CLEC4C: variants seen among roughly 807,000 people sequenced by gnomAD.
The protein encoded by CLEC4C is C-type (calcium dependent, carbohydrate-recognition domain) lectin, superfamily member 11.
A neutral mutation model predicts 27.7 loss-of-function variants in CLEC4C; 17 were observed. The observed-to-expected ratio is 0.61, with a 90% CI of 0.42 to 0.92. CLEC4C has a LOEUF of 0.92. Ranked by LOEUF, CLEC4C falls within the 40% of genes least tolerant of loss-of-function variation. CLEC4C has a pLI of 0.00. For missense variants in CLEC4C, 244 were observed against 257.3 expected (o/e 0.95, Z 0.35); for synonymous variants, 80 against 80.8 (o/e 0.99, Z 0.06).
chr12:7,741,295 T>C (rs1298081255), intron 3 of CLEC4C, 126 bp downstream of exon 3: 20 of 631,266 alleles, frequency 3.2e-5, no homozygotes, highest in African/African-American at 2.7e-4. Context: ...ACCAAGTAGA[T>C]AGTTAAAGAA....
At chr12:7,732,701 G>A (rs924231333) in intron 4 of CLEC4C, among the ~76,000 whole-genome samples, 3 of 151,408 alleles carry the variant, frequency 2.0e-5, no homozygotes, top group Non-Finnish European at 2.9e-5. Context: ...GGTGGTTCAC[G>A]CCTATAATCC....
At chr12:7,736,371 AAG>A (rs1864726135) in intron 4 of CLEC4C, among the ~76,000 whole-genome samples, 1 of 152,200 alleles carries the variant, frequency 6.6e-6, no homozygotes, top group Non-Finnish European at 1.5e-5. Flanking sequence ...ATCAAGTACA[AAG>A]AGAAAAATAG....
intron 2 of CLEC4C, among the ~76,000 whole-genome samples, chr12:7,744,253 G>A (rs1864923964): frequency 1.3e-5 from 2 of 152,144 alleles, no homozygotes; most frequent in South Asian, 4.1e-4. Context: ...AAGCCCTTTT[G>A]TCTCTTGCCC....
intron 2 of CLEC4C, among the ~76,000 whole-genome samples, chr12:7,744,640 A>G (rs150381957): frequency 2.4e-3 from 371 of 152,288 alleles, no homozygotes; most frequent in Non-Finnish European, 4.4e-3. Context: ...TTTTTGAGAC[A>G]GGGTCTCTCT....
chr12:7,730,639 TAAAAA>T (rs80129912), intron 5 of CLEC4C, 153 bp downstream of exon 5: 138 of 285,848 alleles, frequency 4.8e-4, no homozygotes, highest in East Asian at 9.8e-4. Context: ...GACTCTTGTC[TAAAAA>T]AAAAAAAAAA....
intron 2 of CLEC4C, among the ~76,000 whole-genome samples, chr12:7,743,523 T>C (rs1864906830): frequency 6.6e-6 from 1 of 151,912 alleles, no homozygotes; most frequent in South Asian, 2.1e-4. Context: ...TAGCTGGCAC[T>C]ACAGGCGCCC....
intron 4 of CLEC4C, among the ~76,000 whole-genome samples, chr12:7,735,158 A>T (rs1406520456): frequency 6.6e-6 from 1 of 151,698 alleles, no homozygotes; most frequent in Non-Finnish European, 1.5e-5. Flanking sequence ...CCGAGATCAC[A>T]CCACTGCACT....
chr12:7,737,867 G>A (rs1186216893), intron 3 of CLEC4C, among the ~76,000 whole-genome samples: 1 of 151,984 alleles, frequency 6.6e-6, no homozygotes, highest in African/African-American at 2.4e-5. Flanking sequence ...AGCAACCACT[G>A]GCAATATGTT....
intron 1 of CLEC4C, among the ~76,000 whole-genome samples, chr12:7,746,950 A>C (rs752525776): frequency 6.6e-6 from 1 of 151,698 alleles, no homozygotes; most frequent in Non-Finnish European, 1.5e-5. Context: ...TCAGCCTCCC[A>C]AGTAGCTGGG....
chr12:7,737,620 C>G, intron 3 of CLEC4C, 46 bp from the exon 4 acceptor site: 1 of 1,561,034 alleles, frequency 6.4e-7, no homozygotes, highest in Non-Finnish European at 8.7e-7. Flanking sequence ...ACAGAGAATT[C>G]TCCTCACATA....
At chr12:7,735,988 T>C (rs1864716714) in intron 4 of CLEC4C, among the ~76,000 whole-genome samples, 1 of 150,494 alleles carries the variant, frequency 6.6e-6, no homozygotes, top group African/African-American at 2.4e-5. Flanking sequence ...TGAAGAAGAT[T>C]AGTCAAGTGG....
At chr12:7,747,782 C>T (rs780933200), upstream of CLEC4C, among the ~76,000 whole-genome samples, 17 of 151,622 alleles carry the variant, frequency 1.1e-4, no homozygotes, top group African/African-American at 3.9e-4. Context: ...GCTGGGACTA[C>T]AGGCATGTGC....
intron 2 of CLEC4C, among the ~76,000 whole-genome samples, chr12:7,742,098 T>A (rs1280132237): frequency 1.3e-5 from 2 of 151,972 alleles, no homozygotes; most frequent in East Asian, 3.9e-4. Flanking sequence ...GAAAATCACT[T>A]GAACTTGGAA....
upstream of CLEC4C, chr12:7,747,475 T>G (rs1342275769): frequency 9.2e-6 from 8 of 872,528 alleles, no homozygotes; most frequent in East Asian, 2.0e-4. Context: ...AGATCCTTCT[T>G]CGCCTACTCT....
At chr12:7,730,943 G>A in intron 4 of CLEC4C, 31 bp from the exon 5 acceptor site, 1 of 1,124,812 alleles carries the variant, frequency 8.9e-7, no homozygotes. Context: ...AGTCATAGCT[G>A]ATAGAGCAGG....
At chr12:7,746,462 C>T (rs745367857) in intron 1 of CLEC4C, 39 bp from the exon 2 acceptor site, 1 of 1,351,764 alleles carries the variant, frequency 7.4e-7, no homozygotes, top group South Asian at 1.2e-5. Flanking sequence ...TCATAATCCC[C>T]ACTGCCAAAG....
chr12:7,738,054 T>C (rs1408879568), intron 3 of CLEC4C, among the ~76,000 whole-genome samples: 1 of 152,190 alleles, frequency 6.6e-6, no homozygotes, highest in Non-Finnish European at 1.5e-5. Context: ...TGGTCATATA[T>C]GAACCATGTC....
chr12:7,748,309 C>T (rs979358253), upstream of CLEC4C, among the ~76,000 whole-genome samples: 9 of 152,012 alleles, frequency 5.9e-5, no homozygotes, highest in African/African-American at 1.9e-4. Flanking sequence ...GGGCGGATCA[C>T]GAGGTCAAGA....
chr12:7,734,096 A>T (rs1164045715), intron 4 of CLEC4C, among the ~76,000 whole-genome samples: 1 of 152,118 alleles, frequency 6.6e-6, no homozygotes, highest in Non-Finnish European at 1.5e-5. Flanking sequence ...ATATTTTGAC[A>T]TAGGTTTTCA....
Sources: allele counts gnomAD v4.1 joint callset (sites outside exome capture counted in the v4.1 genomes callset), GRCh38; gene constraint gnomAD v4.1.1; transcripts MANE v1.5; gene names NCBI Gene and HGNC (gene_info 2026-07-23, HGNC 2026-07-21).